The following KIRREL3 variants were observed in gnomAD, a reference collection of about 807,000 sequenced individuals.
KIRREL3 encodes the protein kirre like nephrin family adhesion molecule 3.
Under a neutral mutation model 89.7 loss-of-function variants are expected in KIRREL3, and 36 were observed. That is an observed-to-expected ratio of 0.40 (90% CI 0.31 to 0.53). The LOEUF (loss-of-function observed/expected upper bound fraction) is 0.53. Ranked by LOEUF, KIRREL3 falls within the 20% of genes least tolerant of loss-of-function variation. The pLI is 0.49. For missense variants in KIRREL3, 864 were observed against 1,056.6 expected, an observed-to-expected ratio of 0.82 and a Z score of 2.53; for synonymous variants, 445 against 441.4, an observed-to-expected ratio of 1.01 and a Z score of -0.10.
intron 1 of KIRREL3, among the ~76,000 whole-genome samples, chr11:126,974,815 C>T (rs1356692484): frequency 1.3e-5 from 2 of 152,178 alleles, no homozygotes; most frequent in Non-Finnish European, 2.9e-5. Flanking sequence ...AAGTCTTCCT[C>T]CCACCTCAGC....
chr11:126,803,163 A>T (rs1951093539), intron 1 of KIRREL3, among the ~76,000 whole-genome samples: 1 of 152,188 alleles, frequency 6.6e-6, no homozygotes, highest in Non-Finnish European at 1.5e-5. Context: ...TAAACGCAAC[A>T]TATGCTCCAG....
In KIRREL3 at chr11:126,528,871, G is replaced by A. The variant is rs1417754595; in HGVS notation, c.134-2184C>T. ...CAGCATGGAGAGGGAGGGGGTGGGT[G>A]GAAAGGACTCCTTCTCTGGCTCCTT... On this transcript the variant is annotated intron_variant, in intron 2 of 16. Coordinates refer to ENST00000525144, the MANE Select transcript of KIRREL3 (RefSeq NM_032531.4). This position sits in a 1 kb window ranked among gnomAD's most constrained non-coding sequence, Gnocchi z 4.6. 1.3e-5 allele frequency among the ~76,000 whole-genome samples: 2 copies of A among 150,398 alleles called. No homozygotes were observed. Among genetic ancestry groups the A allele is most frequent in the Non-Finnish European group, 3.0e-5 (2 of 67,672 alleles).
At chr11:126,863,602 TGTGTTTGCGTGC>T (rs1321608288) in intron 1 of KIRREL3, among the ~76,000 whole-genome samples, 3 of 77,598 alleles carry the variant, frequency 3.9e-5, no homozygotes, top group African/African-American at 1.9e-4. Context: ...TGAGTGCGTG[TGTGTTTGCGTGC>T]GTGTGTGTGT....
At chr11:126,875,155 A>T (rs548516399) in intron 1 of KIRREL3, among the ~76,000 whole-genome samples, 15 of 152,226 alleles carry the variant, frequency 9.9e-5, no homozygotes, top group Middle Eastern at 3.4e-3. Flanking sequence ...CAATCAACCA[A>T]TATAGTCTTC....
At position 126,521,373 on chromosome 11, in the gene KIRREL3, G is replaced by A. The variant is rs544498059; in HGVS notation, c.375C>T (p.Tyr125=). The change falls in exon 4 of 17, where the codon TAC becomes TAT. Residue 125 remains tyrosine (Y), a synonymous_variant. Transcript: ENST00000525144. The surrounding 1 kb of genome is among the most constrained non-coding windows in gnomAD (Gnocchi z 4.1). The part of the protein sequence containing the change: ...LRAELQDDAV[Y]ECQAIQAAIR... ...TGGCGGCCTGGATGGCCTGGCACTCGTACACCGCATCGTCTTGCAGCTCTG... is the reference window on the plus strand; with the variant it reads ...TGGCGGCCTGGATGGCCTGGCACTCATACACCGCATCGTCTTGCAGCTCTG... The A allele has an allele frequency of 6.2e-5, 96 of 1,559,440 alleles. No homozygotes were observed. The highest frequency in any genetic ancestry group is 1.2e-4 in the South Asian group (10 of 84,510).
rs904312235 is a variant in KIRREL3 at position 126,752,962 on chromosome 11, T to A, written c.56-190050A>T. Among the ~76,000 whole-genome samples the A allele has an allele frequency of 6.6e-6, 1 of 152,162 alleles. No individual in the cohort carries two copies. The highest frequency in any genetic ancestry group is 1.9e-4 in the East Asian group (1 of 5,198). ...TGAGCTCTTCCAGAATCTCTTGTGA[T>A]AATATTGCTTTGTTTTAGCTGAGAA... On this transcript the variant is annotated intron_variant, in intron 1 of 16. Coordinates refer to ENST00000525144, the MANE Select transcript of KIRREL3 (RefSeq NM_032531.4). This position sits in a 1 kb window ranked among gnomAD's most constrained non-coding sequence, Gnocchi z 4.8.
At chr11:126,733,883 A>C (rs1288318163) in intron 1 of KIRREL3, among the ~76,000 whole-genome samples, 1 of 152,194 alleles carries the variant, frequency 6.6e-6, no homozygotes, top group Non-Finnish European at 1.5e-5. Flanking sequence ...TGATAATGGG[A>C]GGAAATAAAT....
Position 126,780,624 on chromosome 11 carries a change from C to G in KIRREL3, c.56-217712G>C, listed in dbSNP as rs1348666406. On this transcript the variant is annotated intron_variant, in intron 1 of 16. Coordinates refer to ENST00000525144, the MANE Select transcript of KIRREL3 (RefSeq NM_032531.4). This position sits in a 1 kb window ranked among gnomAD's most constrained non-coding sequence, Gnocchi z 5.3. Reference sequence around the variant, plus strand: ...GTCCCATGCAAAGGTAAACGAGTACCCAGAGGTGCCCAGATGCCCACATCT... The same window carrying G: ...GTCCCATGCAAAGGTAAACGAGTACGCAGAGGTGCCCAGATGCCCACATCT... Among the ~76,000 whole-genome samples the G allele has an allele frequency of 6.6e-6, 1 of 152,120 alleles. No individual in the cohort carries two copies. Among genetic ancestry groups the G allele is most frequent in the African/African-American group, 2.4e-5 (1 of 41,422 alleles).
intron 1 of KIRREL3, among the ~76,000 whole-genome samples, chr11:126,975,902 CCCTT>C (rs1211255633): frequency 0.011 from 972 of 91,094 alleles, 16 homozygotes; most frequent in Non-Finnish European, 0.014. Context: ...CTCCCTCCCT[CCCTT>C]CCTCCCTCCC....
At chr11:126,777,694 C>T (rs569929803) in intron 1 of KIRREL3, among the ~76,000 whole-genome samples, 17 of 152,204 alleles carry the variant, frequency 1.1e-4, no homozygotes, top group Non-Finnish European at 2.4e-4. Flanking sequence ...CATAAAACCA[C>T]GTAGATATTT....
At chr11:126,915,285 G>C (rs969671024) in intron 1 of KIRREL3, among the ~76,000 whole-genome samples, 1 of 151,904 alleles carries the variant, frequency 6.6e-6, no homozygotes, top group African/African-American at 2.4e-5. Context: ...TAACTCTCCT[G>C]AGCCATTCTT....
rs374183620 is a variant in KIRREL3 at position 126,736,379 on chromosome 11, G to A, written c.56-173467C>T. Among the ~76,000 whole-genome samples, 4 of 152,286 alleles carry A rather than the reference G, an allele frequency of 2.6e-5. No homozygotes were observed. Among genetic ancestry groups the A allele is most frequent in the African/African-American group, 7.2e-5 (3 of 41,562 alleles). On this transcript the variant is annotated intron_variant, in intron 1 of 16. Transcript: ENST00000525144. The surrounding 1 kb of genome is among the most constrained non-coding windows in gnomAD (Gnocchi z 5.0). ...ACAAGTCATACACAGCTAAAACGTA[G>A]ATGCCAGAGCCAGGATTTGATGAGA... is the stretch of plus-strand genomic sequence containing the variant.
rs1176271193 is a variant in KIRREL3, at chr11:126,610,210, C to T, written c.56-47298G>A. ...GGTTCAAGCGATTCTCCTGCCTCAG[C>T]CTGCCGAGTGGCTGGGATTACAGGC... On this transcript the variant is annotated intron_variant, in intron 1 of 16. Coordinates refer to ENST00000525144, the MANE Select transcript of KIRREL3 (RefSeq NM_032531.4). This position sits in a 1 kb window ranked among gnomAD's most constrained non-coding sequence, Gnocchi z 4.6. Among the ~76,000 whole-genome samples, 2 of 152,134 alleles carry T rather than the reference C, an allele frequency of 1.3e-5. No individual in the cohort carries two copies. Among genetic ancestry groups the T allele is most frequent in the Admixed American group, 6.5e-5 (1 of 15,274 alleles).
chr11:126,572,059 A>G (rs1371258521), intron 1 of KIRREL3, among the ~76,000 whole-genome samples: 4 of 152,228 alleles, frequency 2.6e-5, no homozygotes, highest in African/African-American at 9.6e-5. Context: ...CAGATGCTCG[A>G]CAGCTATGTG....
rs925523387 is a variant in KIRREL3 at position 126,558,029 on chromosome 11, C to T, written c.133+4806G>A. 3.9e-5 allele frequency among the ~76,000 whole-genome samples: 6 copies of T among 152,218 alleles called. No homozygotes were observed. The highest frequency in any genetic ancestry group is 1.4e-4 in the African/African-American group (6 of 41,470). ...AGGCATTTCTGCTCTCCCTTGGTCT[C>T]TTGAAGCAGACATCATTGCAATGCT... On this transcript the variant is annotated intron_variant, in intron 2 of 16. Transcript: ENST00000525144. This position sits in a 1 kb window ranked among gnomAD's most constrained non-coding sequence, Gnocchi z 4.0.
In KIRREL3 at chr11:126,755,384, A is replaced by G. The variant is rs970672033; in HGVS notation, c.56-192472T>C. Among the ~76,000 whole-genome samples, 1 of 152,196 alleles carries G rather than the reference A, an allele frequency of 6.6e-6. No individual in the cohort carries two copies. Among genetic ancestry groups the G allele is most frequent in the African/African-American group, 2.4e-5 (1 of 41,438 alleles). ...AATCGTGTTTAAAAAGATAGGGAAC[A>G]TGACAGGAAAAGAACCCAGCTTCAT... On this transcript the variant is annotated intron_variant, in intron 1 of 16. Coordinates refer to ENST00000525144, the MANE Select transcript of KIRREL3 (RefSeq NM_032531.4). The surrounding 1 kb of genome is among the most constrained non-coding windows in gnomAD (Gnocchi z 4.3).
At position 126,761,850 on chromosome 11, in the gene KIRREL3, A is replaced by G. The variant is rs560787007; in HGVS notation, c.56-198938T>C. Among the ~76,000 whole-genome samples, 3 of 151,116 alleles carry G rather than the reference A, an allele frequency of 2.0e-5. No homozygotes were observed. Among genetic ancestry groups the G allele is most frequent in the East Asian group, 3.9e-4 (2 of 5,134 alleles). ...GAAGCTGCTCCCCGCTTTCAATCTC[A>G]TTTTCTGATATCTAGTTGTGAATTT... On this transcript the variant is annotated intron_variant, in intron 1 of 16. Transcript: ENST00000525144. This position sits in a 1 kb window ranked among gnomAD's most constrained non-coding sequence, Gnocchi z 4.4.
intron 1 of KIRREL3, among the ~76,000 whole-genome samples, chr11:126,911,619 G>T (rs1480186386): frequency 6.6e-6 from 1 of 152,184 alleles, no homozygotes; most frequent in Non-Finnish European, 1.5e-5. Context: ...GTGGCAGGAG[G>T]TGATAAGGAA....
rs763387065 is a variant in KIRREL3, at chr11:126,587,452, C to T, written c.56-24540G>A. Among the ~76,000 whole-genome samples, 1 of 152,158 alleles carries T rather than the reference C, an allele frequency of 6.6e-6. No individual in the cohort carries two copies. The highest frequency in any genetic ancestry group is 2.4e-5 in the African/African-American group (1 of 41,444). On this transcript the variant is annotated intron_variant, in intron 1 of 16. Coordinates refer to ENST00000525144, the MANE Select transcript of KIRREL3 (RefSeq NM_032531.4). This position sits in a 1 kb window ranked among gnomAD's most constrained non-coding sequence, Gnocchi z 5.2. ...AGCTTTCCAATCTGGAACAGTGGGT[C>T]ATGGAGCCATCACATTCCCAAACCC...
Sources: gnomAD v4.1 joint callset for allele counts (sites outside exome capture counted in the v4.1 genomes callset) on GRCh38, gnomAD v4.1.1 for gene constraint, Gnocchi (gnomAD v3.1) non-coding constraint, MANE v1.5 for transcripts, NCBI Gene and HGNC (gene_info 2026-07-23, HGNC 2026-07-21) for gene names.